KNTC1: variants seen among roughly 807,000 people sequenced by gnomAD.
The protein encoded by KNTC1 is kinetochore associated 1.
A neutral mutation model predicts 314.4 loss-of-function variants in KNTC1; 253 were observed. The ratio of observed to expected loss-of-function variants is 0.80; its 90% CI spans 0.73 to 0.89. The LOEUF is 0.89. KNTC1 is among the 40% of genes least tolerant of loss of function. The pLI is 0.00. For synonymous variants in KNTC1, 901 were observed against 901.4 expected, an observed-to-expected ratio of 1.00 and a Z score of 0.01; for missense variants, 2,475 against 2,572.9, an observed-to-expected ratio of 0.96 and a Z score of 0.82.
At chr12:122,560,119 T>C (rs908270507) in intron 18 of KNTC1, among the ~76,000 whole-genome samples, 1 of 152,216 alleles carries the variant, frequency 6.6e-6, no homozygotes, top group Non-Finnish European at 1.5e-5. Flanking sequence ...TACTTGTCTT[T>C]TGTGACTGGC....
chr12:122,594,211 C>A, intron 42 of KNTC1, 65 bp from the exon 43 acceptor site: 1 of 879,846 alleles, frequency 1.1e-6, no homozygotes. Context: ...CATGATGTTG[C>A]CCTTACTCTG....
At chr12:122,605,554 G>T in intron 51 of KNTC1, 139 bp downstream of exon 51, 3 of 536,512 alleles carry the variant, frequency 5.6e-6, no homozygotes, top group Middle Eastern at 2.8e-4. Context: ...TTCTTTGTTT[G>T]TTTTGTTTTT....
Position 122,596,270 on chromosome 12 carries a change from A to G in KNTC1, c.4356-1461A>G, listed in dbSNP as rs1215553606. ...GTTAATTATTTGTATTTTAGTAGAG[A>G]CCGGGTTTCACCATGTTACCTAGGC... On this transcript the variant is annotated intron_variant, in intron 43 of 63. Transcript: ENST00000333479. Among the ~76,000 whole-genome samples, 25 of 151,510 alleles carry G rather than the reference A, an allele frequency of 1.7e-4. No homozygotes were observed. The East Asian group carries it at 4.7e-3, about 28-fold the overall frequency.
At chr12:122,531,594 A>C (rs972159362) in intron 2 of KNTC1, among the ~76,000 whole-genome samples, 12 of 151,764 alleles carry the variant, frequency 7.9e-5, no homozygotes, top group Non-Finnish European at 1.2e-4. Context: ...GAGTAGTACA[A>C]ATCTCATTGT....
intron 42 of KNTC1, 106 bp downstream of exon 42, chr12:122,591,559 T>A: frequency 1.5e-6 from 1 of 664,412 alleles, no homozygotes; most frequent in South Asian, 1.7e-5. Flanking sequence ...AGTGTATGTG[T>A]ACTGCCTCAT....
chr12:122,609,181 C>T (rs11611668), intron 51 of KNTC1: 200,680 of 551,854 alleles, frequency 0.36, 39,096 homozygotes, highest in Admixed American at 0.4. Context: ...ATAGTAAGTG[C>T]TCAGTGAATA....
At chr12:122,579,339 C>T (rs1458612603) in intron 31 of KNTC1, among the ~76,000 whole-genome samples, 1 of 152,004 alleles carries the variant, frequency 6.6e-6, no homozygotes, top group African/African-American at 2.4e-5. Flanking sequence ...GCTGGGATTA[C>T]AGGCGTGAGC....
Position 122,584,974 on chromosome 12 carries a change from G to C in KNTC1, c.3518G>C (p.Cys1173Ser). ...ELSRQCQMDD[C>S]GILMKASFGT... Reference sequence around the variant, plus strand: ...TCCAGACAATGCCAAATGGATGACTGTGGAATCCTCATGAAAGTAAGTTAC... The same window carrying C: ...TCCAGACAATGCCAAATGGATGACTCTGGAATCCTCATGAAAGTAAGTTAC... Residue 1173 changes from cysteine to serine, a missense_variant, in exon 36 of 64, where the codon TGT (cysteine) becomes TCT (serine). Transcript: ENST00000333479. 1 of 1,590,256 alleles carries C rather than the reference G, an allele frequency of 6.3e-7. No homozygotes were observed. The highest frequency in any genetic ancestry group is 8.6e-7 in the Non-Finnish European group (1 of 1,158,692).
Position 122,587,706 on chromosome 12 carries a change from T to G in KNTC1, c.3731-5T>G. On this transcript the variant is annotated splice_region_variant and splice_polypyrimidine_tract_variant and intron_variant, in intron 38 of 63. Transcript: ENST00000333479. Reference sequence around the variant, plus strand: ...TAAATATTAAAATCCTTTATCACTCTGCAGGAGATGGCCTTGTTTTACCTG... The same window carrying G: ...TAAATATTAAAATCCTTTATCACTCGGCAGGAGATGGCCTTGTTTTACCTG... The G allele has an allele frequency of 1.2e-6, 2 of 1,607,276 alleles. No homozygotes were observed.
Position 122,539,531 on chromosome 12 carries a change from A to T in KNTC1, c.367-145A>T, listed in dbSNP as rs1478729478. 13 of 569,522 alleles carry T rather than the reference A, an allele frequency of 2.3e-5. No homozygotes were observed. The East Asian group carries it at 3.8e-4, about 17-fold the overall frequency. 35.3% of individuals were successfully genotyped at this position (569,522 alleles called of 1,614,324 possible). A position where few individuals can be genotyped will look rare whatever the true frequency, so the allele number is the denominator to read the frequency against. On this transcript the variant is annotated intron_variant, in intron 4 of 63. Transcript: ENST00000333479. Reference sequence around the variant, plus strand: ...GGTATTTAGTACACTTGTCCAAAATAGTTTTCCATTTTAAAAGTAAGATGT... The same window carrying T: ...GGTATTTAGTACACTTGTCCAAAATTGTTTTCCATTTTAAAAGTAAGATGT...
At chr12:122,538,202 T>G in intron 3 of KNTC1, 137 bp from the exon 4 acceptor site, 1 of 592,952 alleles carries the variant, frequency 1.7e-6, no homozygotes, top group Non-Finnish European at 3.0e-6. Context: ...CTTTTTTACT[T>G]TCATCACATC....
chr12:122,577,846 C>G, intron 31 of KNTC1, 55 bp downstream of exon 31: 1 of 1,493,422 alleles, frequency 6.7e-7, no homozygotes, highest in Non-Finnish European at 9.2e-7. Context: ...GGCTATTAAT[C>G]AATAGGATAG....
At chr12:122,568,543 A>G (rs941840999) in intron 21 of KNTC1, among the ~76,000 whole-genome samples, 171 bp downstream of exon 21, 2 of 152,208 alleles carry the variant, frequency 1.3e-5, no homozygotes, top group African/African-American at 4.8e-5. Flanking sequence ...GATAAAAAAG[A>G]CTTTCCCCAT....
intron 44 of KNTC1, among the ~76,000 whole-genome samples, chr12:122,600,815 G>T (rs1871776376): frequency 6.6e-6 from 1 of 151,326 alleles, no homozygotes; most frequent in Non-Finnish European, 1.5e-5. Context: ...ACAGGTGAAT[G>T]CCACCACACC....
Position 122,590,635 on chromosome 12 carries a change from A to T in KNTC1, c.4028A>T (p.Asp1343Val), listed in dbSNP as rs368464642. The T allele has an allele frequency of 2.0e-4, 318 of 1,612,998 alleles. No individual in the cohort carries two copies. The highest frequency in any genetic ancestry group is 2.6e-4 in the Non-Finnish European group (306 of 1,179,480). ...TTTAATTGTCGCTTGGTAGATCTTG[A>T]CCTGGCGTTGGGTTACTGCACTCTC... ...KVFNCRLVDL[D>V]LALGYCTLLP... Residue 1343 changes from aspartate to valine, a missense_variant, in exon 41 of 64, where the codon GAC becomes GTC. Physicochemically the swap from Asp to Val is radical, Grantham distance 152 (BLOSUM62 -3). Coordinates refer to ENST00000333479, the MANE Select transcript of KNTC1 (RefSeq NM_014708.6).
In KNTC1 at chr12:122,541,287, G is replaced by GCCTTCCTTCCTTCCTTCCTTCCTT. The variant is rs1555222321; in HGVS notation, c.446-748_446-725dup. Among the ~76,000 whole-genome samples the GCCTTCCTTCCTTCCTTCCTTCCTT allele has an allele frequency of 1.3e-3, 158 of 120,986 alleles. 1 individual carries two copies. Among genetic ancestry groups the GCCTTCCTTCCTTCCTTCCTTCCTT allele is most frequent in the African/African-American group, 2.7e-3 (74 of 27,730 alleles). 79.4% of individuals were successfully genotyped at this position (120,986 alleles called of 152,430 possible). On this transcript the variant is annotated intron_variant, in intron 5 of 63. Coordinates refer to ENST00000333479, the MANE Select transcript of KNTC1 (RefSeq NM_014708.6). ...TGCCTGCCTGCCTGCCTGCCTGCCTGCCTTCCTTCCTTCCTTCCTTCCTTC... is the reference window on the plus strand; with the variant it reads ...TGCCTGCCTGCCTGCCTGCCTGCCTGCCTTCCTTCCTTCCTTCCTTCCTTCCTTCCTTCCTTCCTTCCTTCCTTC...
In KNTC1 at chr12:122,618,380, A is replaced by G. The variant is rs1315017017; in HGVS notation, c.6068A>G (p.Gln2023Arg). The G allele has an allele frequency of 1.2e-6, 2 of 1,613,800 alleles. No individual in the cohort carries two copies. The highest frequency in any genetic ancestry group is 3.3e-5 in the Admixed American group (2 of 60,008). The part of the protein sequence containing the change: ...YFSKAWQRVI[Q>R]IPLLSASCPL... ...AGCAAAGCGTGGCAGCGTGTGATACAGATACCACTGCTTTCAGGTATTTCG... is the reference window on the plus strand; with the variant it reads ...AGCAAAGCGTGGCAGCGTGTGATACGGATACCACTGCTTTCAGGTATTTCG... The change falls in exon 58 of 64, where the codon CAG becomes CGG. Residue 2023 changes from glutamine (Q) to arginine (R), a missense_variant. Gln to Arg is a conservative substitution (Grantham distance 43). Coordinates refer to ENST00000333479, the MANE Select transcript of KNTC1 (RefSeq NM_014708.6).
At chr12:122,529,300 AG>A in intron 1 of KNTC1, among the ~76,000 whole-genome samples, 1 of 152,226 alleles carries the variant, frequency 6.6e-6, no homozygotes. Context: ...ACATACTTCT[AG>A]TAGCACTTAT....
chr12:122,554,072 A>ATATATATATATATAT (rs1214945831), intron 16 of KNTC1, among the ~76,000 whole-genome samples: 4 of 64,014 alleles, frequency 6.2e-5, no homozygotes, highest in African/African-American at 2.6e-4. Context: ...CTTAAAAAAA[A>ATATATATATATATAT]AAAAATATAT....
Sources: allele counts gnomAD v4.1 joint callset (sites outside exome capture counted in the v4.1 genomes callset), GRCh38; gene constraint gnomAD v4.1.1; transcripts MANE v1.5; gene names NCBI Gene and HGNC (gene_info 2026-07-23, HGNC 2026-07-21).